Variants in KIF5A observed in about 807,000 individuals in gnomAD.
The protein encoded by KIF5A is kinesin family member 5A.
KIF5A carries 35 observed loss-of-function variants against 141.3 expected under a neutral mutation model. That is an observed-to-expected ratio of 0.25 (90% CI 0.19 to 0.33). The LOEUF (loss-of-function observed/expected upper bound fraction) is 0.33. Among genes scored for constraint, KIF5A ranks in the 10% least tolerant of loss-of-function variants. The pLI, the probability that KIF5A is intolerant of heterozygous loss-of-function variation, is 1.00. For missense variants in KIF5A, 861 were observed against 1,314.3 expected, an observed-to-expected ratio of 0.66 and a Z score of 5.33; for synonymous variants, 448 against 500.2, an observed-to-expected ratio of 0.90 and a Z score of 1.39.
chr12:57,577,989 T>A lies in KIF5A; in HGVS notation c.2362-20T>A. The stretch of plus-strand genomic sequence containing the variant: ...AGACCTGGTATCTGGCTATTCCCAA[T>A]TTTTCATCATTCTTTCCAGGCCCGG... On this transcript the variant is annotated intron_variant, in intron 21 of 28. Coordinates refer to ENST00000455537, the MANE Select transcript of KIF5A (RefSeq NM_004984.4). The A allele has an allele frequency of 6.2e-7, 1 of 1,609,186 alleles. No individual in the cohort carries two copies. The highest frequency in any genetic ancestry group is 8.5e-7 in the Non-Finnish European group (1 of 1,175,496).
At chr12:57,565,391 A>T in intron 6 of KIF5A, among the ~76,000 whole-genome samples, 1 of 152,134 alleles carries the variant, frequency 6.6e-6, no homozygotes. Context: ...ACTGCACTCC[A>T]GCCTGGGCGA....
At chr12:57,583,412 C>T (rs145406416) in intron 28 of KIF5A, among the ~76,000 whole-genome samples, 197 bp downstream of exon 28, 2 of 152,312 alleles carry the variant, frequency 1.3e-5, no homozygotes, top group Non-Finnish European at 2.9e-5. Context: ...GTTGACCTCC[C>T]GTGCCCCCTT....
At chr12:57,562,342 C>T (rs573405187) in intron 1 of KIF5A, among the ~76,000 whole-genome samples, 113 of 152,146 alleles carry the variant, frequency 7.4e-4, no homozygotes, top group Non-Finnish European at 1.4e-3. Context: ...CAGCCTCCGG[C>T]GTAGCTGGGA....
At position 57,572,145 on chromosome 12, in the gene KIF5A, G is replaced by T; in HGVS notation, c.1447G>T (p.Glu483Ter). The T allele has an allele frequency of 6.2e-7, 1 of 1,614,198 alleles. No individual in the cohort carries two copies. Residue 483 changes from glutamate (E) to a stop codon, truncating the protein, a stop_gained, in exon 14 of 29, where the codon GAG becomes TAG. Coordinates refer to ENST00000455537, the MANE Select transcript of KIF5A (RefSeq NM_004984.4). LOFTEE classifies it high-confidence loss of function. This position sits in a 1 kb window ranked among gnomAD's most constrained non-coding sequence, Gnocchi z 4.2. The part of the protein sequence containing the change: ...LQSENDAAKD[E>*]VKEVLQALEE... Reference sequence around the variant, plus strand: ...ATCAGAGAACGATGCCGCTAAGGATGAGGTGAAGGAAGTGCTGCAGGCCCT... The same window carrying T: ...ATCAGAGAACGATGCCGCTAAGGATTAGGTGAAGGAAGTGCTGCAGGCCCT...
chr12:57,576,851 G>A lies in KIF5A; in HGVS notation c.2289G>A (p.Leu763=), dbSNP rs377232772. 1.1e-5 allele frequency: 17 copies of A among 1,612,978 alleles called. No homozygotes were observed. Among genetic ancestry groups the A allele is most frequent in the African/African-American group, 2.7e-5 (2 of 74,918 alleles). ...AAGAACACGAGAAGAGCACCAAGCTGCAGGAGCTGACGTGAGTGGCATGGA... is the reference window on the plus strand; with the variant it reads ...AAGAACACGAGAAGAGCACCAAGCTACAGGAGCTGACGTGAGTGGCATGGA... ...KSEEHEKSTK[L]QELTFLYERH... Residue 763 remains leucine (L), a synonymous_variant, in exon 20 of 29, where the codon CTG becomes CTA. Coordinates refer to ENST00000455537, the MANE Select transcript of KIF5A (RefSeq NM_004984.4).
intron 20 of KIF5A, among the ~76,000 whole-genome samples, chr12:57,577,304 A>T (rs1385239733): frequency 6.6e-6 from 1 of 152,226 alleles, no homozygotes; most frequent in African/African-American, 2.4e-5. Flanking sequence ...TGTGTAATAA[A>T]TAATAATAGG....
chr12:57,560,665 C>G (rs1190580792), intron 1 of KIF5A, among the ~76,000 whole-genome samples: 1 of 152,064 alleles, frequency 6.6e-6, no homozygotes, highest in Non-Finnish European at 1.5e-5. Flanking sequence ...AGTTCTTGTT[C>G]ACCTTTTTCT....
intron 8 of KIF5A, 84 bp from the exon 9 acceptor site, chr12:57,568,879 G>A (rs537274614): frequency 1.6e-4 from 139 of 872,138 alleles, no homozygotes; most frequent in African/African-American, 1.1e-3. Context: ...TCCTTCCTCC[G>A]TGGACTGAGC....
chr12:57,578,140 T>G (rs1882483344), intron 22 of KIF5A, 60 bp downstream of exon 22: 4 of 1,586,604 alleles, frequency 2.5e-6, no homozygotes, highest in Non-Finnish European at 3.5e-6. Flanking sequence ...CTTAGGTTTC[T>G]CCTGCCCCTG....
chr12:57,555,885 G>A (rs1371253424), intron 1 of KIF5A, among the ~76,000 whole-genome samples: 1 of 146,146 alleles, frequency 6.8e-6, no homozygotes. Flanking sequence ...CTCCAGCCTG[G>A]GCGAAAGAGT....
chr12:57,553,905 T>G (rs1039704991), intron 1 of KIF5A, among the ~76,000 whole-genome samples: 1 of 152,062 alleles, frequency 6.6e-6, no homozygotes, highest in Non-Finnish European at 1.5e-5. Flanking sequence ...GCGACATTTC[T>G]AAGAGGAGGA....
At chr12:57,577,919 T>A (rs1384589037) in intron 21 of KIF5A, 90 bp from the exon 22 acceptor site, 8 of 1,264,798 alleles carry the variant, frequency 6.3e-6, no homozygotes, top group Non-Finnish European at 9.3e-6. Flanking sequence ...GTGACTCACT[T>A]GATTATAGAG....
At chr12:57,582,569 C>T (rs1259746245) in intron 26 of KIF5A, 33 bp from the exon 27 acceptor site, 1 of 1,593,140 alleles carries the variant, frequency 6.3e-7, no homozygotes, top group Admixed American at 1.7e-5. Context: ...TTTTCTTCTT[C>T]TAATCCTGTG....
intron 7 of KIF5A, 124 bp from the exon 8 acceptor site, chr12:57,567,370 G>T: frequency 7.7e-7 from 1 of 1,291,424 alleles, no homozygotes. Flanking sequence ...AGATGTGGCA[G>T]CAGGGCTAGT....
chr12:57,550,495 C>T lies in KIF5A; in HGVS notation c.129+95C>T. ...TTAGTCTCTGCTGGTCCCTTTGCTC[C>T]CCCTCCCCGCCGCTCATCCTTCATC... On this transcript the variant is annotated intron_variant, in intron 1 of 28. Transcript: ENST00000455537. The surrounding 1 kb of genome is among the most constrained non-coding windows in gnomAD (Gnocchi z 4.6). 4.7e-6 allele frequency: 6 copies of T among 1,269,576 alleles called. No homozygotes were observed. The Admixed American group carries it at 5.7e-5, about 12-fold the overall frequency. 78.6% of individuals were successfully genotyped at this position (1,269,576 alleles called of 1,614,324 possible).
chr12:57,559,897 A>G (rs1881857506), intron 1 of KIF5A, among the ~76,000 whole-genome samples: 1 of 151,954 alleles, frequency 6.6e-6, no homozygotes, highest in Admixed American at 6.6e-5. Context: ...AATTTTATTT[A>G]TTTATTTTTT....
At chr12:57,575,509 C>A in intron 16 of KIF5A, 131 bp from the exon 17 acceptor site, 1 of 929,680 alleles carries the variant, frequency 1.1e-6, no homozygotes, top group South Asian at 1.3e-5. Context: ...GGAATGGCCC[C>A]CAACCCTGCA....
intron 6 of KIF5A, among the ~76,000 whole-genome samples, chr12:57,566,065 C>T (rs1166644436): frequency 6.6e-6 from 1 of 151,892 alleles, no homozygotes; most frequent in Admixed American, 6.6e-5. Context: ...TGCCACTGCA[C>T]TCCAGCCTGT....
intron 8 of KIF5A, among the ~76,000 whole-genome samples, chr12:57,568,459 C>T (rs572446414): frequency 1.3e-5 from 2 of 152,232 alleles, no homozygotes; most frequent in African/African-American, 4.8e-5. Context: ...GGCACGGTGG[C>T]TCACACCTGT....
Sources: allele counts gnomAD v4.1 joint callset (sites outside exome capture counted in the v4.1 genomes callset), GRCh38; gene constraint gnomAD v4.1.1; non-coding constraint Gnocchi (gnomAD v3.1); transcripts MANE v1.5; gene names NCBI Gene and HGNC (gene_info 2026-07-23, HGNC 2026-07-21).